Variants in STK31 observed in about 807,000 individuals in gnomAD.
STK31 encodes serine/threonine kinase 31, also known as serine/threonine-protein kinase 31.
A neutral mutation model predicts 129.7 loss-of-function variants in STK31; 89 were observed. The observed-to-expected ratio is 0.69, with a 90% CI of 0.58 to 0.82. The LOEUF (loss-of-function observed/expected upper bound fraction) is 0.82. Among genes scored for constraint, STK31 ranks in the 40% least tolerant of loss-of-function variants. The pLI, the probability that STK31 is intolerant of heterozygous loss-of-function variation, is 0.00. For synonymous variants in STK31, 448 were observed against 395.3 expected, an observed-to-expected ratio of 1.13 and a Z score of -1.58; for missense variants, 1,187 against 1,176.4, an observed-to-expected ratio of 1.01 and a Z score of -0.13.
At chr7:23,713,999 A>G (rs1786143115) in intron 3 of STK31, among the ~76,000 whole-genome samples, 1 of 152,168 alleles carries the variant, frequency 6.6e-6, no homozygotes, top group Non-Finnish European at 1.5e-5. Context: ...CATCACCACA[A>G]ATATGTGAGT....
At chr7:23,719,844 T>C (rs878875521) in intron 4 of STK31, among the ~76,000 whole-genome samples, 1 of 152,118 alleles carries the variant, frequency 6.6e-6, no homozygotes, top group Non-Finnish European at 1.5e-5. Flanking sequence ...AGCAGAGATA[T>C]AATAATACTT....
chr7:23,818,619 TAA>T (rs70939858), intron 23 of STK31, among the ~76,000 whole-genome samples: 68,372 of 148,634 alleles, frequency 0.46, 15,972 homozygotes, highest in Admixed American at 0.58. Flanking sequence ...TTTGTTTTGT[TAA>T]AAAAAAAAAC....
In STK31 at chr7:23,790,920, T is replaced by C. The variant is rs1361247846; in HGVS notation, c.2734T>C (p.Tyr912His). ...GKPASPGSDL[Y>H]AYGCLLLWLS... is the part of the protein sequence containing the mutation. Reference sequence around the variant, plus strand: ...ACCTGCTTCTCCAGGTTCAGACTTATATGCTTATGGCTGCCTCTTATTATG... The same window carrying C: ...ACCTGCTTCTCCAGGTTCAGACTTACATGCTTATGGCTGCCTCTTATTATG... Residue 912 changes from tyrosine to histidine, a missense_variant, in exon 22 of 24, where the codon TAT becomes CAT. Coordinates refer to ENST00000355870, the MANE Select transcript of STK31 (RefSeq NM_031414.5). 6.9e-6 allele frequency: 11 copies of C among 1,602,182 alleles called. 1 individual carries two copies. Among genetic ancestry groups the C allele is most frequent in the Middle Eastern group, 3.3e-4 (2 of 6,006 alleles).
chr7:23,814,146 C>CTTGTTTTTTTTT (rs71552259), intron 22 of STK31, among the ~76,000 whole-genome samples: 1 of 98,916 alleles, frequency 1.0e-5, no homozygotes, highest in African/African-American at 4.5e-5. Context: ...ATCTGGCTCA[C>CTTGTTTTTTTTT]TTATTTTTTT....
intron 23 of STK31, among the ~76,000 whole-genome samples, chr7:23,824,005 GT>G (rs1221900640): frequency 2.6e-5 from 4 of 152,176 alleles, no homozygotes; most frequent in African/African-American, 7.2e-5. Context: ...CTGTAGCCTT[GT>G]AGTATAGTTT....
chr7:23,737,100 G>A lies in STK31; in HGVS notation c.1017+22G>A, dbSNP rs373796597. 8 of 1,559,156 alleles carry A rather than the reference G, an allele frequency of 5.1e-6. No individual in the cohort carries two copies. The African/African-American group carries it at 5.5e-5, about 11-fold the overall frequency. ...GCAGGTATGTTCAGTGGCTTAAGGT[G>A]AAGAGTGTCCAACTGGGAAATCTGT... On this transcript the variant is annotated intron_variant, in intron 8 of 23. Transcript: ENST00000355870.
At chr7:23,783,759 TA>T in intron 17 of STK31, 96 bp downstream of exon 17, 2 of 927,608 alleles carry the variant, frequency 2.2e-6, no homozygotes, top group South Asian at 3.6e-5. Context: ...TAGTATCTTT[TA>T]AATAAAAATA....
At chr7:23,774,629 G>T (rs1408384408) in intron 15 of STK31, among the ~76,000 whole-genome samples, 5 of 152,028 alleles carry the variant, frequency 3.3e-5, no homozygotes, top group African/African-American at 1.2e-4. Context: ...TGATGGGATT[G>T]TTTTTTTCTT....
chr7:23,767,800 A>ACACAGT (rs1491113492), intron 11 of STK31, among the ~76,000 whole-genome samples: 12 of 152,322 alleles, frequency 7.9e-5, no homozygotes, highest in African/African-American at 2.9e-4. Flanking sequence ...CTGTGCTGTG[A>ACACAGT]CACAGTCCTT....
rs141967306 is a variant in STK31 at position 23,819,916 on chromosome 7, A to G, written c.2829+4704A>G. 2.4e-3 allele frequency among the ~76,000 whole-genome samples: 366 copies of G among 152,280 alleles called. 2 individuals carry two copies. Among genetic ancestry groups the G allele is most frequent in the African/African-American group, 8.3e-3 (345 of 41,570 alleles). On this transcript the variant is annotated intron_variant, in intron 23 of 23. Coordinates refer to ENST00000355870, the MANE Select transcript of STK31 (RefSeq NM_031414.5). The stretch of plus-strand genomic sequence containing the variant: ...ATAGCAGCAGTAGAGGTGATCCTAG[A>G]GAGTGATCACTTAAAAACCAAAACC...
chr7:23,830,076 C>G (rs945964033), intron 23 of STK31, among the ~76,000 whole-genome samples: 1 of 151,666 alleles, frequency 6.6e-6, no homozygotes. Context: ...CAGCCTTCCA[C>G]GTAGCTGGGA....
At position 23,715,335 on chromosome 7, in the gene STK31, T is replaced by TGAA. The variant is rs1285283293; in HGVS notation, c.151-2145_151-2144insAAG. 7.2e-5 allele frequency among the ~76,000 whole-genome samples: 11 copies of TGAA among 152,040 alleles called. No homozygotes were observed. In the South Asian group the frequency reaches 1.9e-3, roughly 26 times the overall value. On this transcript the variant is annotated intron_variant, in intron 3 of 23. Transcript: ENST00000355870. ...CTGTTTCTTTGAAAGAACAAGCTTC[T>TGAA]GGTCAGGCATGGTGGCTCATGCCTG...
intron 11 of STK31, 84 bp downstream of exon 11, chr7:23,763,007 A>G (rs1359871452): frequency 9.5e-6 from 12 of 1,261,158 alleles, no homozygotes; most frequent in Non-Finnish European, 1.3e-5. Context: ...AAGACTTTAG[A>G]TTGTTCTGTG....
intron 11 of STK31, among the ~76,000 whole-genome samples, chr7:23,765,609 T>G (rs1225904855): frequency 4.1e-5 from 6 of 144,912 alleles, no homozygotes; most frequent in Non-Finnish European, 6.0e-5. Flanking sequence ...CAGGTTGGAG[T>G]GCAGTGGCAC....
chr7:23,783,772 T>C (rs1791084084), intron 17 of STK31, 109 bp downstream of exon 17: 4 of 808,520 alleles, frequency 4.9e-6, no homozygotes, highest in Non-Finnish European at 7.6e-6. Flanking sequence ...ATAAAAATAC[T>C]CCTGATGAAT....
intron 11 of STK31, among the ~76,000 whole-genome samples, chr7:23,766,331 C>T (rs1399408760): frequency 6.6e-6 from 1 of 152,214 alleles, no homozygotes; most frequent in East Asian, 1.9e-4. Context: ...GGTGCCATCT[C>T]AGCTCACTGC....
At chr7:23,734,974 GAAA>G (rs775235670) in intron 6 of STK31, among the ~76,000 whole-genome samples, 5 of 152,060 alleles carry the variant, frequency 3.3e-5, no homozygotes, top group Non-Finnish European at 7.4e-5. Context: ...CAAAAAAGAA[GAAA>G]AACAAAGTTT....
chr7:23,741,273 C>A (rs940970456), intron 8 of STK31, among the ~76,000 whole-genome samples: 2 of 152,136 alleles, frequency 1.3e-5, no homozygotes, highest in African/African-American at 4.8e-5. Flanking sequence ...TTTTTAGTGG[C>A]AAGAGGTATT....
At chr7:23,814,888 G>A (rs1584491619) in intron 22 of STK31, among the ~76,000 whole-genome samples, 1 of 151,958 alleles carries the variant, frequency 6.6e-6, no homozygotes, top group African/African-American at 2.4e-5. Flanking sequence ...GTTCTAACAC[G>A]TTTTCTTATA....
Sources: allele counts gnomAD v4.1 joint callset (sites outside exome capture counted in the v4.1 genomes callset), GRCh38; gene constraint gnomAD v4.1.1; transcripts MANE v1.5; gene names NCBI Gene and HGNC (gene_info 2026-07-23, HGNC 2026-07-21).